EIF2B3: variants seen among roughly 807,000 people sequenced by gnomAD.
EIF2B3 encodes eukaryotic translation initiation factor 2B subunit gamma.
EIF2B3 carries 20 observed loss-of-function variants against 54.1 expected under a neutral mutation model. The ratio of observed to expected loss-of-function variants is 0.37; its 90% CI spans 0.26 to 0.54. EIF2B3 has a LOEUF of 0.54. Ranked by LOEUF, EIF2B3 falls within the 20% of genes least tolerant of loss-of-function variation. The probability of loss-of-function intolerance (pLI) is 0.86; values close to 1 mark genes in which losing one functional copy is unlikely to be tolerated. For synonymous variants in EIF2B3, 153 were observed against 188.1 expected (o/e 0.81, Z 1.52); for missense variants, 448 against 547.8 (o/e 0.82, Z 1.82).
chr1:44,975,830 G>A (rs747861696), intron 3 of EIF2B3, among the ~76,000 whole-genome samples: 1 of 152,066 alleles, frequency 6.6e-6, no homozygotes, highest in Non-Finnish European at 1.5e-5. Context: ...TTAGCCAGGT[G>A]TGGTGGCACA....
intron 3 of EIF2B3, chr1:44,958,947 A>G (rs182050161): frequency 5.1e-6 from 4 of 779,894 alleles, no homozygotes; most frequent in Non-Finnish European, 9.2e-6. Context: ...GCAAATACAA[A>G]GCGAGGATGT....
At chr1:44,947,955 C>G (rs1644120883) in intron 3 of EIF2B3, among the ~76,000 whole-genome samples, 3 of 152,112 alleles carry the variant, frequency 2.0e-5, no homozygotes, top group African/African-American at 7.2e-5. Context: ...AATCCTCCTG[C>G]CTCAGCCTCC....
chr1:44,948,552 A>T (rs115778745), intron 3 of EIF2B3, among the ~76,000 whole-genome samples: 1,687 of 152,208 alleles, frequency 0.011, 34 homozygotes, highest in African/African-American at 0.037. Flanking sequence ...TAAAATTTTT[A>T]AAAAAATATA....
intron 4 of EIF2B3, among the ~76,000 whole-genome samples, chr1:44,935,140 T>C (rs1643933970): frequency 6.6e-6 from 1 of 152,198 alleles, no homozygotes. Context: ...TTAAATAAAG[T>C]TTCCTAGAAC....
chr1:44,952,314 G>T (rs1252351817), intron 3 of EIF2B3, among the ~76,000 whole-genome samples: 3 of 151,294 alleles, frequency 2.0e-5, no homozygotes, highest in African/African-American at 7.3e-5. Context: ...TGGCCAGGCT[G>T]GTCTTGAACT....
intron 3 of EIF2B3, among the ~76,000 whole-genome samples, chr1:44,957,213 G>A (rs1569838596): frequency 6.6e-6 from 1 of 152,042 alleles, no homozygotes; most frequent in Non-Finnish European, 1.5e-5. Flanking sequence ...CTGCAGTAAG[G>A]CGAGATCGTG....
Position 44,901,858 on chromosome 1 carries a change from C to T in EIF2B3, c.567-4414G>A, listed in dbSNP as rs263972. Among the ~76,000 whole-genome samples the T allele has an allele frequency of 6.7e-3, 1,020 of 152,168 alleles. 13 individuals carry two copies. Among genetic ancestry groups the T allele is most frequent in the African/African-American group, 0.023 (969 of 41,502 alleles). ...TACCTGCAAGAGCCACTGCACCCGGCCCTCATTTTCTTAATAGTGTCTTTG... is the reference window on the plus strand; with the variant it reads ...TACCTGCAAGAGCCACTGCACCCGGTCCTCATTTTCTTAATAGTGTCTTTG... On this transcript the variant is annotated intron_variant, in intron 5 of 11. Transcript: ENST00000360403.
rs898762337 is a variant in EIF2B3 at position 44,926,657 on chromosome 1, C to G, written c.537G>C (p.Glu179Asp). The G allele has an allele frequency of 3.1e-6, 5 of 1,614,052 alleles. No individual in the cohort carries two copies. The highest frequency in any genetic ancestry group is 4.2e-6 in the Non-Finnish European group (5 of 1,180,002). ...FMANEADLDE[E>D]LVIKGSILQK... ...GTAGGATGGATCCCTTAATGACCAG[C>G]TCTTCATCCAAGTCTGCTTCATTAG... Residue 179 changes from glutamate (E) to aspartate (D), a missense_variant, in exon 5 of 12, where the codon GAG (glutamate) becomes GAC (aspartate). This residue lies in a region of EIF2B3 where 350 missense variants were observed against 414.2 expected (regional missense o/e 0.85). Transcript: ENST00000360403.
chr1:44,906,806 T>C (rs1439786994), intron 5 of EIF2B3, among the ~76,000 whole-genome samples: 1 of 152,192 alleles, frequency 6.6e-6, no homozygotes, highest in African/African-American at 2.4e-5. Context: ...AGACACTAAG[T>C]TGACATCTAT....
At chr1:44,875,504 T>C in intron 9 of EIF2B3, 114 bp downstream of exon 9, 2 of 962,280 alleles carry the variant, frequency 2.1e-6, no homozygotes, top group Non-Finnish European at 3.3e-6. Flanking sequence ...CCACTGTGAT[T>C]TCCCTGGGGC....
In EIF2B3 at chr1:44,923,929, T is replaced by C. The variant is rs550864088; in HGVS notation, c.566+2699A>G. ...AGCAATCCTCCAACCTCAGAGATTCTAATTTCTTTCCTTTTTTTTTTTTTT... is the reference window on the plus strand; with the variant it reads ...AGCAATCCTCCAACCTCAGAGATTCCAATTTCTTTCCTTTTTTTTTTTTTT... On this transcript the variant is annotated intron_variant, in intron 5 of 11. Transcript: ENST00000360403. 3.3e-5 allele frequency among the ~76,000 whole-genome samples: 5 copies of C among 150,238 alleles called. No individual in the cohort carries two copies. In the East Asian group the frequency reaches 7.8e-4, roughly 23 times the overall value.
chr1:44,872,230 G>A (rs963618954), intron 10 of EIF2B3, among the ~76,000 whole-genome samples: 2 of 152,126 alleles, frequency 1.3e-5, no homozygotes, highest in African/African-American at 4.8e-5. Context: ...ATGTGGTTTC[G>A]TCATGTTGCC....
intron 3 of EIF2B3, among the ~76,000 whole-genome samples, chr1:44,942,108 T>C (rs72676561): frequency 0.17 from 25,699 of 151,710 alleles, 2,275 homozygotes; most frequent in Non-Finnish European, 0.18. Flanking sequence ...AATACAATGC[T>C]TCATTCTTAG....
chr1:44,951,954 ATTTT>A lies in EIF2B3; in HGVS notation c.295-10293_295-10290del, dbSNP rs1171020644. Reference sequence around the variant, plus strand: ...AGGGGCGCACCACCATGCCTGGCTAATTTTTTTTTTTTTTTTTTTTTTTTTTGAG... The same window carrying A: ...AGGGGCGCACCACCATGCCTGGCTAATTTTTTTTTTTTTTTTTTTTTTGAG... On this transcript the variant is annotated intron_variant, in intron 3 of 11. Coordinates refer to ENST00000360403, the MANE Select transcript of EIF2B3 (RefSeq NM_020365.5). Among the ~76,000 whole-genome samples the A allele has an allele frequency of 4.3e-3, 193 of 44,624 alleles. 4 individuals carry two copies. Among genetic ancestry groups the A allele is most frequent in the Middle Eastern group, 0.014 (1 of 70 alleles). The allele number at this position is 44,624 out of a possible 152,430, so 29.3% of individuals were successfully genotyped here. A position where few individuals can be genotyped will look rare whatever the true frequency, so the allele number is the denominator to read the frequency against.
At chr1:44,967,039 C>T (rs938595590) in intron 3 of EIF2B3, among the ~76,000 whole-genome samples, 3 of 151,818 alleles carry the variant, frequency 2.0e-5, no homozygotes, top group Non-Finnish European at 4.4e-5. Context: ...TGGTCTCGAT[C>T]TCTTGACCTC....
At chr1:44,886,772 C>T (rs764746575) in intron 6 of EIF2B3, among the ~76,000 whole-genome samples, 3 of 152,312 alleles carry the variant, frequency 2.0e-5, no homozygotes, top group African/African-American at 2.4e-5. Flanking sequence ...GATTTCTGTA[C>T]GTCACTTCCT....
At chr1:44,879,041 G>A (rs764789713) in intron 8 of EIF2B3, among the ~76,000 whole-genome samples, 5 of 152,218 alleles carry the variant, frequency 3.3e-5, no homozygotes, top group South Asian at 2.1e-4. Context: ...GATTATAGGC[G>A]TAAGACACCG....
chr1:44,888,746 G>C (rs1408609840), intron 6 of EIF2B3, among the ~76,000 whole-genome samples: 1 of 152,110 alleles, frequency 6.6e-6, no homozygotes, highest in Middle Eastern at 3.2e-3. Flanking sequence ...GCAGGTCCTT[G>C]AAACAAACAA....
intron 3 of EIF2B3, among the ~76,000 whole-genome samples, chr1:44,941,983 C>A (rs1644029300): frequency 6.6e-6 from 1 of 152,046 alleles, no homozygotes; most frequent in South Asian, 2.1e-4. Flanking sequence ...AATATATGAT[C>A]TTATATTTAT....
Sources: gnomAD v4.1 joint callset for allele counts (sites outside exome capture counted in the v4.1 genomes callset) on GRCh38, gnomAD v4.1.1 for gene constraint, gnomAD v4.1.1 regional missense constraint, MANE v1.5 for transcripts, NCBI Gene and HGNC (gene_info 2026-07-23, HGNC 2026-07-21) for gene names.